Variants in WWOX observed in about 807,000 individuals in gnomAD.
WWOX encodes the protein WW domain containing oxidoreductase, also known as WW domain-containing oxidoreductase.
In WWOX, 69 loss-of-function variants were observed where a neutral mutation model predicts 46.2. The observed-to-expected ratio is 1.49, with a 90% CI of 1.23 to 1.82. WWOX has a LOEUF of 1.82. Ranked by LOEUF, WWOX falls within the 40% of genes most tolerant of loss-of-function variation. WWOX has a pLI of 0.00. For missense variants in WWOX, 919 were observed against 542.6 expected, an observed-to-expected ratio of 1.69 and a Z score of -6.89; for synonymous variants, 359 against 202.6, an observed-to-expected ratio of 1.77 and a Z score of -6.56.
At chr16:78,434,346 ATCTCCCCATCACTTTGC>A (rs1418364491) in intron 8 of WWOX, among the ~76,000 whole-genome samples, 1 of 152,008 alleles carries the variant, frequency 6.6e-6, no homozygotes, top group Non-Finnish European at 1.5e-5. Context: ...GGGTTTTGAA[ATCTCCCCATCACTTTGC>A]TCCCGATGAC....
intron 8 of WWOX, among the ~76,000 whole-genome samples, chr16:78,867,876 G>C (rs2044041245): frequency 6.6e-6 from 1 of 152,132 alleles, no homozygotes; most frequent in Non-Finnish European, 1.5e-5. Context: ...TAACCAGAAA[G>C]ATTTATTATC....
intron 5 of WWOX, among the ~76,000 whole-genome samples, chr16:78,261,383 C>T (rs893950534): frequency 2.7e-5 from 4 of 147,200 alleles, no homozygotes; most frequent in Non-Finnish European, 6.0e-5. Flanking sequence ...CTAGCCTAGG[C>T]GACAGAGCAA....
At chr16:78,831,836 C>G (rs1053832488) in intron 8 of WWOX, among the ~76,000 whole-genome samples, 1 of 152,200 alleles carries the variant, frequency 6.6e-6, no homozygotes, top group African/African-American at 2.4e-5. Flanking sequence ...AGCTAGAGTA[C>G]AGTCTCTTAG....
At position 78,435,490 on chromosome 16, in the gene WWOX, T is replaced by G. The variant is rs113326517; in HGVS notation, c.1056+2738T>G. On this transcript the variant is annotated intron_variant, in intron 8 of 8. Coordinates refer to ENST00000566780, the MANE Select transcript of WWOX (RefSeq NM_016373.4). ...AAAAGATTAACTGCGCACTGAGCTT[T>G]AGATCCCTGAGTGAGAAAGCTGTGG... 1.6e-3 allele frequency among the ~76,000 whole-genome samples: 239 copies of G among 152,286 alleles called. 1 individual carries two copies. Among genetic ancestry groups the G allele is most frequent in the Non-Finnish European group, 2.7e-3 (186 of 68,020 alleles).
chr16:78,683,390 A>G (rs1001226876), intron 8 of WWOX, among the ~76,000 whole-genome samples: 3 of 151,674 alleles, frequency 2.0e-5, no homozygotes, highest in African/African-American at 4.8e-5. Context: ...ACATTAAAAA[A>G]AAATTTAGGC....
intron 5 of WWOX, among the ~76,000 whole-genome samples, chr16:78,210,530 C>T (rs960103790): frequency 2.0e-5 from 3 of 152,112 alleles, no homozygotes; most frequent in African/African-American, 7.2e-5. Flanking sequence ...CTTTCTCTGT[C>T]TCTCTCTCTT....
At chr16:78,303,200 C>G (rs1405475570) in intron 5 of WWOX, among the ~76,000 whole-genome samples, 7 of 152,164 alleles carry the variant, frequency 4.6e-5, no homozygotes, top group Non-Finnish European at 1.0e-4. Context: ...TAAATAAAAT[C>G]TATCTCTAAT....
chr16:78,246,650 G>T (rs1012554961), intron 5 of WWOX, among the ~76,000 whole-genome samples: 1 of 152,178 alleles, frequency 6.6e-6, no homozygotes, highest in Non-Finnish European at 1.5e-5. Context: ...GTCTTCTGTG[G>T]CATGGAAAAG....
intron 8 of WWOX, among the ~76,000 whole-genome samples, chr16:78,638,936 C>T (rs1013240876): frequency 1.3e-5 from 2 of 151,990 alleles, no homozygotes; most frequent in African/African-American, 2.4e-5. Flanking sequence ...CAGTGTAAAA[C>T]AAGAGAATGA....
chr16:78,414,776 T>C (rs1054947814), intron 6 of WWOX, among the ~76,000 whole-genome samples: 5 of 152,262 alleles, frequency 3.3e-5, no homozygotes, highest in Middle Eastern at 6.8e-3. Flanking sequence ...AGTTTAGTTT[T>C]GGGGGAAAGC....
intron 8 of WWOX, among the ~76,000 whole-genome samples, chr16:78,857,438 T>C (rs1489945677): frequency 3.9e-5 from 6 of 152,176 alleles, no homozygotes. Context: ...TAGAACCTTT[T>C]TTTCCATGAT....
intron 5 of WWOX, chr16:78,267,202 A>C (rs1343095546): frequency 6.6e-6 from 1 of 152,264 alleles, no homozygotes; most frequent in Admixed American, 6.5e-5. Flanking sequence ...AAAATGAACT[A>C]ATACACATAG....
chr16:78,314,385 AAC>A (rs55742110), intron 5 of WWOX, among the ~76,000 whole-genome samples: 58,968 of 142,596 alleles, frequency 0.41, 12,810 homozygotes, highest in East Asian at 0.74. Flanking sequence ...CAGCCTGAGC[AAC>A]AGAGTGAGAC....
At position 79,115,420 on chromosome 16, in the gene WWOX, C is replaced by T. The variant is rs1380319721; in HGVS notation, c.1057-96188C>T. ...TCGGGGCATGGAAGTGAACAGGAAG[C>T]CCAGAGTGAAGCCAGGACCCAAAAC... On this transcript the variant is annotated intron_variant, in intron 8 of 8. Coordinates refer to ENST00000566780, the MANE Select transcript of WWOX (RefSeq NM_016373.4). 5.4e-5 allele frequency among the ~76,000 whole-genome samples: 8 copies of T among 149,372 alleles called. No individual in the cohort carries two copies. In the Admixed American group the frequency reaches 5.4e-4, roughly 10 times the overall value.
Position 78,151,102 on chromosome 16 carries a change from C to G in WWOX, c.410-13081C>G, listed in dbSNP as rs886910317. 2.6e-5 allele frequency among the ~76,000 whole-genome samples: 4 copies of G among 151,562 alleles called. 1 individual carries two copies. The highest frequency in any genetic ancestry group is 9.7e-5 in the African/African-American group (4 of 41,290). On this transcript the variant is annotated intron_variant, in intron 4 of 8. Transcript: ENST00000566780. Reference sequence around the variant, plus strand: ...GTGTTGTCCAGGCTGGTCTCAAACCCTTGGGTTTAAGTGATCCTCTTGCCT... The same window carrying G: ...GTGTTGTCCAGGCTGGTCTCAAACCGTTGGGTTTAAGTGATCCTCTTGCCT...
intron 5 of WWOX, chr16:78,268,998 A>AT (rs1293316854): frequency 1.3e-5 from 2 of 152,096 alleles, no homozygotes; most frequent in Non-Finnish European, 2.9e-5. Flanking sequence ...CATATATAAG[A>AT]TTTTGTTCTC....
At chr16:79,162,382 A>G (rs2050504007) in intron 8 of WWOX, among the ~76,000 whole-genome samples, 3 of 152,122 alleles carry the variant, frequency 2.0e-5, no homozygotes, top group Admixed American at 2.0e-4. Context: ...ACAGGTTGTA[A>G]TACTCTCTCT....
chr16:78,362,164 A>T (rs2081423091), intron 5 of WWOX, among the ~76,000 whole-genome samples: 1 of 151,938 alleles, frequency 6.6e-6, no homozygotes, highest in Admixed American at 6.6e-5. Flanking sequence ...TGAACAGTTG[A>T]AGGTCTGCTG....
At chr16:78,303,834 C>T (rs573467511) in intron 5 of WWOX, among the ~76,000 whole-genome samples, 38 of 152,268 alleles carry the variant, frequency 2.5e-4, no homozygotes, top group Non-Finnish European at 3.5e-4. Context: ...TGTGAGCCAC[C>T]GTGCCCGGCC....
Sources: gnomAD v4.1 joint callset for allele counts (sites outside exome capture counted in the v4.1 genomes callset) on GRCh38, gnomAD v4.1.1 for gene constraint, MANE v1.5 for transcripts, NCBI Gene and HGNC (gene_info 2026-07-23, HGNC 2026-07-21) for gene names.